RNF111: variants seen among roughly 807,000 people sequenced by gnomAD.
RNF111 encodes E3 ubiquitin-protein ligase Arkadia.
In RNF111, 17 loss-of-function variants were observed where a neutral mutation model predicts 95.1. That is an observed-to-expected ratio of 0.18 (90% confidence interval 0.12 to 0.27). RNF111 has a LOEUF of 0.27. Among genes scored for constraint, RNF111 ranks in the 10% least tolerant of loss-of-function variants. The pLI, the probability that RNF111 is intolerant of heterozygous loss-of-function variation, is 1.00. For missense variants in RNF111, 1,189 were observed against 1,210.4 expected (o/e 0.98, Z 0.26); for synonymous variants, 440 against 414.8 (o/e 1.06, Z -0.74).
rs35154303 is a variant in RNF111 at position 59,019,105 on chromosome 15, A to ATTTTTTTTT, written c.-19-11690_-19-11682dup. ...CCCTGGCTAATTTTTGTATTTTTGTATTTTTTTTTTTTTTTTTGTAGAGGT... is the reference window on the plus strand; with the variant it reads ...CCCTGGCTAATTTTTGTATTTTTGTATTTTTTTTTTTTTTTTTTTTTTTTTTGTAGAGGT... On this transcript the variant is annotated intron_variant, in intron 1 of 13. Transcript: ENST00000348370. Among the ~76,000 whole-genome samples, 20 of 121,258 alleles carry ATTTTTTTTT rather than the reference A, an allele frequency of 1.6e-4. No homozygotes were observed. The South Asian group carries it at 3.2e-3, about 19-fold the overall frequency. The allele number at this position is 121,258 out of a possible 152,430, so 79.5% of individuals were successfully genotyped here.
chr15:59,031,089 C>T lies in RNF111; in HGVS notation c.267C>T (p.Leu89=), dbSNP rs571810978. ...ACCAGCAAGAACAAGAAAAAAGTCT[C>T]GTTGTGAGGAAAAAACGCAAAAGCC... is the stretch of plus-strand genomic sequence containing the variant. ...NGNQQEQEKS[L]VVRKKRKSQQ... is the part of the protein sequence containing the mutation. The change falls in exon 2 of 14, where the codon CTC becomes CTT. Residue 89 remains leucine (L), a synonymous_variant. Transcript: ENST00000348370. 15 of 1,614,172 alleles carry T rather than the reference C, an allele frequency of 9.3e-6. No individual in the cohort carries two copies. The Admixed American group carries it at 1.2e-4, about 13-fold the overall frequency.
intron 8 of RNF111, 121 bp from the exon 9 acceptor site, chr15:59,084,003 ATTTAT>A (rs146786527): frequency 0.053 from 37,414 of 702,294 alleles, 1,164 homozygotes; most frequent in Non-Finnish European, 0.063. Context: ...TTATTATAAA[ATTTAT>A]TTTATGACTA....
Position 59,091,057 on chromosome 15 carries a change from A to G in RNF111, c.2644-2A>G, listed in dbSNP as rs777347918. 6.3e-7 allele frequency: 1 copy of G among 1,589,694 alleles called. No individual in the cohort carries two copies. Among genetic ancestry groups the G allele is most frequent in the Non-Finnish European group, 8.6e-7 (1 of 1,159,664 alleles). ...ACCAGTCATTATATTCTTCACTTTC[A>G]GGAACTGATTCATTTGGAAGAAAGA... On this transcript the variant is annotated splice_acceptor_variant, in intron 11 of 13. Coordinates refer to ENST00000348370, the MANE Select transcript of RNF111 (RefSeq NM_017610.8). LOFTEE classifies it high-confidence loss of function.
intron 2 of RNF111, among the ~76,000 whole-genome samples, chr15:59,036,756 A>C (rs1158123231): frequency 6.6e-6 from 1 of 152,226 alleles, no homozygotes; most frequent in Non-Finnish European, 1.5e-5. Flanking sequence ...GTAATATCTT[A>C]AAATACTCCA....
chr15:59,037,560 G>A (rs2041237933), intron 2 of RNF111, among the ~76,000 whole-genome samples: 1 of 152,064 alleles, frequency 6.6e-6, no homozygotes, highest in African/African-American at 2.4e-5. Flanking sequence ...GGTATTGCCG[G>A]GCGTGGTGGC....
At chr15:59,032,419 T>A (rs2040956607) in intron 2 of RNF111, among the ~76,000 whole-genome samples, 1 of 152,048 alleles carries the variant, frequency 6.6e-6, no homozygotes, top group Non-Finnish European at 1.5e-5. Flanking sequence ...GACTGGTTAA[T>A]TTTTTTTCCT....
chr15:59,016,175 G>GTT (rs1333638545), intron 1 of RNF111, among the ~76,000 whole-genome samples: 32 of 142,462 alleles, frequency 2.2e-4, no homozygotes, highest in African/African-American at 6.9e-4. Context: ...TATATATATA[G>GTT]TTTTTTTTTT....
At chr15:59,009,481 T>C (rs1248550233) in intron 1 of RNF111, among the ~76,000 whole-genome samples, 1 of 150,942 alleles carries the variant, frequency 6.6e-6, no homozygotes, top group Non-Finnish European at 1.5e-5. Context: ...CAAAGTTTTC[T>C]GATCTGAAAT....
intron 1 of RNF111, among the ~76,000 whole-genome samples, chr15:59,008,932 G>T (rs1487126388): frequency 6.6e-6 from 1 of 151,882 alleles, no homozygotes; most frequent in African/African-American, 2.4e-5. Flanking sequence ...CCTGTCCTTT[G>T]TGTTAATATT....
At chr15:59,047,649 C>T (rs1164993685) in intron 2 of RNF111, among the ~76,000 whole-genome samples, 4 of 151,924 alleles carry the variant, frequency 2.6e-5, no homozygotes, top group African/African-American at 9.7e-5. Context: ...CATCTTGGCT[C>T]ACTGCAACGT....
At chr15:59,027,113 T>C (rs1252560975) in intron 1 of RNF111, among the ~76,000 whole-genome samples, 1 of 152,230 alleles carries the variant, frequency 6.6e-6, no homozygotes, top group Non-Finnish European at 1.5e-5. Context: ...TCAGAATTTG[T>C]CTGGTTTTTG....
rs572159084 is a variant in RNF111 at position 59,011,912 on chromosome 15, C to G, written c.-19-18892C>G. 2.6e-5 allele frequency among the ~76,000 whole-genome samples: 4 copies of G among 151,314 alleles called. No homozygotes were observed. In the East Asian group the frequency reaches 7.8e-4, roughly 29 times the overall value. Reference sequence around the variant, plus strand: ...GAAGATAATGTCTTATGGTTCACTACCAAACTAGGATTGTCAAAGTTGGGA... The same window carrying G: ...GAAGATAATGTCTTATGGTTCACTAGCAAACTAGGATTGTCAAAGTTGGGA... On this transcript the variant is annotated intron_variant, in intron 1 of 13. Transcript: ENST00000348370.
chr15:58,993,896 T>G (rs1404827412), intron 1 of RNF111, among the ~76,000 whole-genome samples: 1 of 152,174 alleles, frequency 6.6e-6, no homozygotes, highest in African/African-American at 2.4e-5. Flanking sequence ...ATAGAAAATT[T>G]AAGAAATTCT....
intron 1 of RNF111, among the ~76,000 whole-genome samples, chr15:58,988,890 A>T (rs1374557425): frequency 2.6e-5 from 4 of 152,318 alleles, no homozygotes; most frequent in Admixed American, 6.5e-5. Context: ...GCTGACATAG[A>T]CTACGTTTTG....
intron 1 of RNF111, among the ~76,000 whole-genome samples, chr15:59,009,827 A>G (rs538239098): frequency 6.6e-6 from 1 of 152,208 alleles, no homozygotes; most frequent in East Asian, 1.9e-4. Flanking sequence ...ATGATGGCTC[A>G]TGTCTCTAGT....
chr15:58,997,066 A>C (rs1320289065), intron 1 of RNF111, among the ~76,000 whole-genome samples: 1 of 151,982 alleles, frequency 6.6e-6, no homozygotes, highest in African/African-American at 2.4e-5. Flanking sequence ...TTTTCATGTC[A>C]GTTTAAGTGT....
chr15:58,996,453 T>C (rs1206567859), intron 1 of RNF111, among the ~76,000 whole-genome samples: 1 of 151,302 alleles, frequency 6.6e-6, no homozygotes, highest in East Asian at 1.9e-4. Flanking sequence ...GGGTGGTGCA[T>C]GCCTGTAATC....
chr15:59,007,251 A>T (rs1167506943), intron 1 of RNF111, among the ~76,000 whole-genome samples: 2 of 151,942 alleles, frequency 1.3e-5, no homozygotes, highest in Non-Finnish European at 2.9e-5. Context: ...TCCCTTGAAG[A>T]CACAACCAAT....
intron 7 of RNF111, 29 bp from the exon 8 acceptor site, chr15:59,080,907 G>T: frequency 6.4e-7 from 1 of 1,553,464 alleles, no homozygotes; most frequent in Non-Finnish European, 8.8e-7. Context: ...TGGTGCCTAT[G>T]TAACATACTC....
Sources: gnomAD v4.1 joint callset for allele counts (sites outside exome capture counted in the v4.1 genomes callset) on GRCh38, gnomAD v4.1.1 for gene constraint, MANE v1.5 for transcripts, NCBI Gene and HGNC (gene_info 2026-07-23, HGNC 2026-07-21) for gene names.